HNF1B: variants seen among roughly 807,000 people sequenced by gnomAD.
HNF1B encodes hepatocyte nuclear factor 1-beta.
Under a neutral mutation model 61.7 loss-of-function variants are expected in HNF1B, and 8 were observed. The ratio of observed to expected loss-of-function variants is 0.13; its 90% CI spans 0.08 to 0.23. HNF1B has a LOEUF of 0.23. Ranked by LOEUF, HNF1B falls within the 10% of genes least tolerant of loss-of-function variation. The pLI, the probability that HNF1B is intolerant of heterozygous loss-of-function variation, is 1.00. For synonymous variants in HNF1B, 314 were observed against 287.7 expected (o/e 1.09, Z -0.93); for missense variants, 562 against 714.5 (o/e 0.79, Z 2.43).
At chr17:37,710,123 T>A (rs1164008508) in intron 5 of HNF1B, among the ~76,000 whole-genome samples, 2 of 152,188 alleles carry the variant, frequency 1.3e-5, no homozygotes, top group Non-Finnish European at 2.9e-5. Context: ...TGTGTCAAAG[T>A]GAGGTGCTCT....
chr17:37,722,901 C>T (rs984752764), intron 4 of HNF1B, among the ~76,000 whole-genome samples: 4 of 152,198 alleles, frequency 2.6e-5, no homozygotes, highest in Non-Finnish European at 5.9e-5. Flanking sequence ...CTTAAATGCT[C>T]CTTCGCCTGA....
chr17:37,715,081 G>A (rs920317080), intron 4 of HNF1B, among the ~76,000 whole-genome samples: 1 of 152,054 alleles, frequency 6.6e-6, no homozygotes, highest in Admixed American at 6.6e-5. Context: ...AAAGCATCTC[G>A]TGTCACATGT....
chr17:37,692,306 C>G (rs1381378679), intron 8 of HNF1B, among the ~76,000 whole-genome samples: 1 of 152,234 alleles, frequency 6.6e-6, no homozygotes, highest in Admixed American at 6.5e-5. Flanking sequence ...AGCCTTATAC[C>G]TGCATAACCT....
chr17:37,705,894 G>C (rs752338128), intron 5 of HNF1B, among the ~76,000 whole-genome samples: 1 of 152,076 alleles, frequency 6.6e-6, no homozygotes, highest in Non-Finnish European at 1.5e-5. Flanking sequence ...ATAAGGGCGC[G>C]ATCAGTTTTA....
At chr17:37,708,373 A>G (rs927256319) in intron 5 of HNF1B, among the ~76,000 whole-genome samples, 1 of 152,216 alleles carries the variant, frequency 6.6e-6, no homozygotes, top group African/African-American at 2.4e-5. Flanking sequence ...GTCTTGGTCA[A>G]TCATCAATCC....
chr17:37,693,860 A>G (rs1024650935), intron 8 of HNF1B, among the ~76,000 whole-genome samples: 2 of 152,180 alleles, frequency 1.3e-5, no homozygotes, highest in Non-Finnish European at 2.9e-5. Flanking sequence ...TAATTCACAC[A>G]AGATCTGGTT....
At chr17:37,729,159 A>G (rs1396403588) in intron 4 of HNF1B, 1 of 152,194 alleles carries the variant, frequency 6.6e-6, no homozygotes, top group Non-Finnish European at 1.5e-5. Flanking sequence ...AGTTATGTGA[A>G]TTAGCCACAG....
At chr17:37,718,527 G>T (rs1201902694) in intron 4 of HNF1B, among the ~76,000 whole-genome samples, 1 of 152,200 alleles carries the variant, frequency 6.6e-6, no homozygotes, top group African/African-American at 2.4e-5. Flanking sequence ...GGACAAGGTT[G>T]TTTGCACCGC....
At chr17:37,728,515 C>G (rs1179426909) in intron 4 of HNF1B, 1 of 152,052 alleles carries the variant, frequency 6.6e-6, no homozygotes, top group East Asian at 1.9e-4. Context: ...ACTGTGTTAG[C>G]CAGGATGGCC....
chr17:37,701,613 G>A (rs1262274451), intron 6 of HNF1B, among the ~76,000 whole-genome samples: 3 of 152,172 alleles, frequency 2.0e-5, no homozygotes, highest in African/African-American at 7.2e-5. Context: ...TCCAGTAGAG[G>A]GCAGGAGTGT....
intron 8 of HNF1B, among the ~76,000 whole-genome samples, chr17:37,696,527 T>A (rs2032391070): frequency 6.6e-6 from 1 of 152,204 alleles, no homozygotes; most frequent in South Asian, 2.1e-4. Flanking sequence ...GTGATGCACC[T>A]GCCCTGTCTG....
At chr17:37,720,087 C>A (rs2033259800) in intron 4 of HNF1B, among the ~76,000 whole-genome samples, 1 of 152,178 alleles carries the variant, frequency 6.6e-6, no homozygotes, top group African/African-American at 2.4e-5. Flanking sequence ...ATAGGAGCAC[C>A]AGCCAAGTGC....
chr17:37,740,332 G>A (rs2033958448), intron 1 of HNF1B, among the ~76,000 whole-genome samples: 1 of 152,166 alleles, frequency 6.6e-6, no homozygotes, highest in Non-Finnish European at 1.5e-5. Flanking sequence ...GAGGCCCACT[G>A]GAAAGTGGGG....
At chr17:37,731,477 G>T in intron 4 of HNF1B, 118 bp downstream of exon 4, 1 of 803,472 alleles carries the variant, frequency 1.2e-6, no homozygotes, top group South Asian at 1.4e-5. Context: ...ATGAGAGAGC[G>T]GCCCTAGGAT....
At chr17:37,718,359 G>T (rs887177955) in intron 4 of HNF1B, among the ~76,000 whole-genome samples, 3 of 152,168 alleles carry the variant, frequency 2.0e-5, no homozygotes, top group African/African-American at 4.8e-5. Context: ...AGTTTGCAAT[G>T]AATACTTCAG....
intron 1 of HNF1B, among the ~76,000 whole-genome samples, chr17:37,741,846 A>G (rs1284862535): frequency 6.6e-6 from 1 of 152,240 alleles, no homozygotes; most frequent in Non-Finnish European, 1.5e-5. Context: ...GTTTAAAAAA[A>G]GCCCCCAAGA....
intron 4 of HNF1B, among the ~76,000 whole-genome samples, chr17:37,714,111 T>A (rs1412637214): frequency 6.6e-6 from 1 of 152,192 alleles, no homozygotes. Flanking sequence ...TGAGCTTCAG[T>A]TCCTTACTGT....
At chr17:37,699,529 TC>T in intron 7 of HNF1B, among the ~76,000 whole-genome samples, 1 of 152,192 alleles carries the variant, frequency 6.6e-6, no homozygotes, top group Non-Finnish European at 1.5e-5. Flanking sequence ...GCAGGTTATT[TC>T]CTGGTCCAGG....
intron 4 of HNF1B, among the ~76,000 whole-genome samples, chr17:37,725,804 G>A (rs1029280092): frequency 3.9e-5 from 6 of 152,236 alleles, no homozygotes; most frequent in South Asian, 2.1e-4. Context: ...GGGAGGGGGC[G>A]GAGCTCCCAG....
Sources: allele counts gnomAD v4.1 joint callset (sites outside exome capture counted in the v4.1 genomes callset), GRCh38; gene constraint gnomAD v4.1.1; transcripts MANE v1.5; gene names NCBI Gene and HGNC (gene_info 2026-07-23, HGNC 2026-07-21).